The following KIAA1217 variants were observed in gnomAD, a reference collection of about 807,000 sequenced individuals.
The protein encoded by KIAA1217 is sickle tail protein homolog.
A neutral mutation model predicts 163.9 loss-of-function variants in KIAA1217; 88 were observed. That is an observed-to-expected ratio of 0.54 (90% CI 0.45 to 0.64). KIAA1217 has a LOEUF of 0.64. Among genes scored for constraint, KIAA1217 ranks in the 30% least tolerant of loss-of-function variants. KIAA1217 has a pLI of 0.00. For synonymous variants in KIAA1217, 903 were observed against 923.1 expected, an observed-to-expected ratio of 0.98 and a Z score of 0.39; for missense variants, 2,372 against 2,475.0, an observed-to-expected ratio of 0.96 and a Z score of 0.88.
intron 1 of KIAA1217, among the ~76,000 whole-genome samples, chr10:23,748,964 C>T (rs1248797107): frequency 1.3e-5 from 2 of 152,194 alleles, no homozygotes; most frequent in African/African-American, 4.8e-5. Flanking sequence ...TGAACTTCAT[C>T]ATCACTTCTC....
intron 2 of KIAA1217, among the ~76,000 whole-genome samples, chr10:24,314,392 C>T (rs182700061): frequency 2.4e-4 from 36 of 152,324 alleles, no homozygotes; most frequent in African/African-American, 8.4e-4. Flanking sequence ...CTCAGCTCAG[C>T]ACAGTTGTGT....
intron 1 of KIAA1217, among the ~76,000 whole-genome samples, chr10:23,933,335 C>T (rs1164531017): frequency 6.6e-6 from 1 of 152,214 alleles, no homozygotes; most frequent in African/African-American, 2.4e-5. Flanking sequence ...GATGACTGTA[C>T]TGCTTTGGAC....
chr10:23,814,079 C>G (rs1837204712), intron 1 of KIAA1217, among the ~76,000 whole-genome samples: 1 of 152,124 alleles, frequency 6.6e-6, no homozygotes, highest in Admixed American at 6.5e-5. Flanking sequence ...AAAACAATTA[C>G]CAGGTCATTA....
chr10:23,791,537 A>G lies in KIAA1217; in HGVS notation c.-321+96303A>G, dbSNP rs533754237. Among the ~76,000 whole-genome samples, 12 of 152,370 alleles carry G rather than the reference A, an allele frequency of 7.9e-5. No individual in the cohort carries two copies. In the South Asian group the frequency reaches 1.4e-3, roughly 18 times the overall value. On this transcript the variant is annotated intron_variant, in intron 1 of 18. Coordinates refer to the KIAA1217 transcript ENST00000376462. The stretch of plus-strand genomic sequence containing the variant: ...CTTAAAAATTAAATTCCTTAACATC[A>G]TCAAATATCCAGTCAGTTCTCTAAT...
intron 1 of KIAA1217, among the ~76,000 whole-genome samples, chr10:23,902,399 A>G (rs1162290472): frequency 6.6e-6 from 1 of 152,054 alleles, no homozygotes; most frequent in Non-Finnish European, 1.5e-5. Flanking sequence ...TCTCAGGGAC[A>G]TGGAGCAAGA....
chr10:23,871,745 ACT>A (rs1392280737), intron 1 of KIAA1217, among the ~76,000 whole-genome samples: 5 of 152,038 alleles, frequency 3.3e-5, no homozygotes, highest in Non-Finnish European at 5.9e-5. Context: ...TCTTTTCAAG[ACT>A]CTAACTGTAA....
At chr10:24,399,624 T>C (rs2056279691) in intron 3 of KIAA1217, among the ~76,000 whole-genome samples, 1 of 152,228 alleles carries the variant, frequency 6.6e-6, no homozygotes, top group Non-Finnish European at 1.5e-5. Context: ...TTTCAGTTCC[T>C]GGGTCCATCA....
chr10:24,223,088 T>C (rs1185594336), intron 2 of KIAA1217, among the ~76,000 whole-genome samples: 1 of 152,152 alleles, frequency 6.6e-6, no homozygotes, highest in Non-Finnish European at 1.5e-5. Flanking sequence ...CTGGTGTCTT[T>C]ACTGTGACCT....
chr10:24,078,994 T>C (rs1200827902), intron 2 of KIAA1217, among the ~76,000 whole-genome samples: 1 of 152,176 alleles, frequency 6.6e-6, no homozygotes, highest in East Asian at 1.9e-4. Context: ...TTCTCATGGG[T>C]GTGTTGGATC....
chr10:24,347,765 G>GT (rs928689969), intron 2 of KIAA1217, among the ~76,000 whole-genome samples: 2 of 151,948 alleles, frequency 1.3e-5, no homozygotes, highest in African/African-American at 4.8e-5. Flanking sequence ...ATGCTTTGAG[G>GT]TTTTTTTCCC....
intron 2 of KIAA1217, among the ~76,000 whole-genome samples, chr10:24,335,886 A>G (rs529080571): frequency 6.6e-6 from 1 of 152,338 alleles, no homozygotes; most frequent in South Asian, 2.1e-4. Flanking sequence ...TACTGGGATT[A>G]TAGGCGTCAG....
chr10:23,872,214 C>T (rs1170950880), intron 1 of KIAA1217, among the ~76,000 whole-genome samples: 2 of 152,010 alleles, frequency 1.3e-5, no homozygotes, highest in African/African-American at 2.4e-5. Flanking sequence ...ACGTCATCAC[C>T]TTGGCAAAGG....
chr10:23,893,328 G>A (rs1157193229), intron 1 of KIAA1217, among the ~76,000 whole-genome samples: 1 of 151,916 alleles, frequency 6.6e-6, no homozygotes, highest in African/African-American at 2.4e-5. Context: ...CTGTGGGATC[G>A]ATGGTGATAT....
chr10:24,519,384 T>C (rs2070732916), intron 10 of KIAA1217, among the ~76,000 whole-genome samples: 1 of 152,198 alleles, frequency 6.6e-6, no homozygotes, highest in Non-Finnish European at 1.5e-5. Context: ...ACGTCTGTCG[T>C]CATTTTTATT....
chr10:23,844,204 G>A (rs974547309), intron 1 of KIAA1217, among the ~76,000 whole-genome samples: 2 of 152,114 alleles, frequency 1.3e-5, no homozygotes, highest in East Asian at 1.9e-4. Context: ...TCACTGTGTT[G>A]CCACTTTGTT....
chr10:23,939,929 GAC>G (rs1191701410), intron 1 of KIAA1217, among the ~76,000 whole-genome samples: 1 of 149,236 alleles, frequency 6.7e-6, no homozygotes, highest in Non-Finnish European at 1.5e-5. Context: ...TAGTAAATAT[GAC>G]ACATATTAAA....
At chr10:24,277,416 G>A (rs2077424634) in intron 2 of KIAA1217, among the ~76,000 whole-genome samples, 1 of 152,200 alleles carries the variant, frequency 6.6e-6, no homozygotes, top group Non-Finnish European at 1.5e-5. Flanking sequence ...GGTTGCCCTG[G>A]GGGAGCCCAG....
intron 2 of KIAA1217, among the ~76,000 whole-genome samples, chr10:24,095,187 C>T (rs568310074): frequency 1.4e-4 from 21 of 152,292 alleles, no homozygotes; most frequent in African/African-American, 4.1e-4. Flanking sequence ...TTGCGCTTCC[C>T]GAGTAAGGCA....
upstream of KIAA1217, among the ~76,000 whole-genome samples, chr10:24,204,414 G>A (rs188555553): frequency 1.4e-4 from 21 of 152,300 alleles, no homozygotes; most frequent in East Asian, 1.7e-3. Context: ...GTTTGTTAGT[G>A]GGGCTTGTAA....
Sources: gnomAD v4.1 joint callset for allele counts (sites outside exome capture counted in the v4.1 genomes callset) on GRCh38, gnomAD v4.1.1 for gene constraint, MANE v1.5 for transcripts, NCBI Gene and HGNC (gene_info 2026-07-23, HGNC 2026-07-21) for gene names.